Variants in TBX5 observed in about 807,000 individuals in gnomAD.
TBX5 encodes the protein T-box transcription factor 5, also known as T-box transcription factor TBX5.
In TBX5, 8 loss-of-function variants were observed where a neutral mutation model predicts 51.1. That is an observed-to-expected ratio of 0.16 (90% confidence interval 0.09 to 0.28). The LOEUF is 0.28. TBX5 is among the 10% of genes least tolerant of loss of function. The pLI, the probability that TBX5 is intolerant of heterozygous loss-of-function variation, is 1.00. For missense variants in TBX5, 589 were observed against 671.7 expected (o/e 0.88, Z 1.36); for synonymous variants, 302 against 266.4 (o/e 1.13, Z -1.30).
chr12:114,398,490 C>G lies in TBX5; in HGVS notation c.510+83G>C. ...AAGGAGAAATGTAGGCACACAGAGC[C>G]AAGAAGGGAGAGAAACCCAGTGAGA... On this transcript the variant is annotated intron_variant, in intron 5 of 8. Transcript: ENST00000405440. 3.2e-6 allele frequency: 5 copies of G among 1,552,962 alleles called. No individual in the cohort carries two copies. In the South Asian group the frequency reaches 5.9e-5, roughly 18 times the overall value.
At chr12:114,384,679 T>G (rs1380465834) in intron 7 of TBX5, among the ~76,000 whole-genome samples, 1 of 150,830 alleles carries the variant, frequency 6.6e-6, no homozygotes, top group South Asian at 2.1e-4. Flanking sequence ...TCATTTTATT[T>G]TGAAACACTA....
chr12:114,368,425 G>C (rs907783060), intron 7 of TBX5, among the ~76,000 whole-genome samples: 1 of 152,122 alleles, frequency 6.6e-6, no homozygotes, highest in African/African-American at 2.4e-5. Context: ...AGAGCTACAC[G>C]TAACGCATTT....
At position 114,399,592 on chromosome 12, in the gene TBX5, T is replaced by C; in HGVS notation, c.283A>G (p.Asn95Asp). 1.2e-6 allele frequency: 2 copies of C among 1,614,098 alleles called. No individual in the cohort carries two copies. The highest frequency in any genetic ancestry group is 8.5e-7 in the Non-Finnish European group (1 of 1,180,026). ...PSYKVKVTGL[N>D]PKTKYILLMD... Reference sequence around the variant, plus strand: ...AGAAGAATGTACTTCGTTTTGGGATTAAGGCCCGTCACCTTCACTTTGTAA... The same window carrying C: ...AGAAGAATGTACTTCGTTTTGGGATCAAGGCCCGTCACCTTCACTTTGTAA... The change falls in exon 4 of 9, where the codon AAT (asparagine) becomes GAT (aspartate). Residue 95 changes from asparagine (N) to aspartate (D), a missense_variant. Transcript: ENST00000405440.
chr12:114,367,842 T>C (rs541427309), intron 7 of TBX5, among the ~76,000 whole-genome samples: 1 of 152,296 alleles, frequency 6.6e-6, no homozygotes, highest in East Asian at 1.9e-4. Flanking sequence ...TTAAAACATA[T>C]TTTGGTAACT....
At chr12:114,363,893 C>T (rs984183660) in intron 8 of TBX5, among the ~76,000 whole-genome samples, 3 of 152,224 alleles carry the variant, frequency 2.0e-5, no homozygotes, top group Admixed American at 6.5e-5. Context: ...CATTCTTAAC[C>T]TCCTGCTCAT....
intron 7 of TBX5, among the ~76,000 whole-genome samples, chr12:114,385,069 C>T (rs1870724248): frequency 6.8e-6 from 1 of 147,338 alleles, no homozygotes; most frequent in Non-Finnish European, 1.5e-5. Flanking sequence ...GAAATCAAGT[C>T]ATTAACTTCT....
Sources: gnomAD v4.1 joint callset for allele counts (sites outside exome capture counted in the v4.1 genomes callset) on GRCh38, gnomAD v4.1.1 for gene constraint, MANE v1.5 for transcripts, NCBI Gene and HGNC (gene_info 2026-07-23, HGNC 2026-07-21) for gene names.